GARNL3: variants seen among roughly 807,000 people sequenced by gnomAD.
GARNL3 encodes GTPase-activating Rap/Ran-GAP domain-like protein 3.
GARNL3 carries 63 observed loss-of-function variants against 125.0 expected under a neutral mutation model. The observed-to-expected ratio is 0.50, with a 90% CI of 0.41 to 0.62. The LOEUF is 0.62. Among genes scored for constraint, GARNL3 ranks in the 20% least tolerant of loss-of-function variants. The probability of loss-of-function intolerance (pLI) is 0.00; values close to 1 mark genes in which losing one functional copy is unlikely to be tolerated. For missense variants in GARNL3, 994 were observed against 1,244.0 expected, an observed-to-expected ratio of 0.80 and a Z score of 3.02; for synonymous variants, 439 against 457.5, an observed-to-expected ratio of 0.96 and a Z score of 0.52.
At chr9:127,349,937 C>T (rs891231868) in intron 17 of GARNL3, among the ~76,000 whole-genome samples, 1 of 152,182 alleles carries the variant, frequency 6.6e-6, no homozygotes, top group African/African-American at 2.4e-5. Flanking sequence ...TCTTCCCATC[C>T]TTCAGTACAA....
chr9:127,354,762 G>A (rs997870242), intron 19 of GARNL3, among the ~76,000 whole-genome samples: 11 of 152,132 alleles, frequency 7.2e-5, no homozygotes, highest in African/African-American at 9.7e-5. Flanking sequence ...TAGAATATAG[G>A]AAGTAGGACT....
chr9:127,321,862 T>C (rs1252536987), intron 6 of GARNL3, among the ~76,000 whole-genome samples: 1 of 152,180 alleles, frequency 6.6e-6, no homozygotes, highest in Non-Finnish European at 1.5e-5. Flanking sequence ...CAAATTTGCT[T>C]TTAGGTAAAT....
intron 17 of GARNL3, among the ~76,000 whole-genome samples, chr9:127,350,635 A>AAG (rs1830375783): frequency 6.6e-6 from 1 of 151,876 alleles, no homozygotes; most frequent in East Asian, 1.9e-4. Context: ...AATTAGCCGG[A>AAG]TGTGGTGGCG....
intron 2 of GARNL3, among the ~76,000 whole-genome samples, chr9:127,247,625 T>A (rs2063326359): frequency 6.6e-6 from 1 of 152,196 alleles, no homozygotes; most frequent in Admixed American, 6.5e-5. Context: ...ACCTTTTTTT[T>A]ATTATTTGTT....
In GARNL3 at chr9:127,243,120, C is replaced by T. The variant is rs535958821; in HGVS notation, c.14C>T (p.Thr5Met). ...CCAGGCCCACTGATGGACCCGTTAA[C>T]GAAGGTGCCTTGTGGGAGTCAGATA... The change falls in exon 2 of 11, where the codon ACG becomes ATG. Residue 5 changes from threonine (T) to methionine (M), a missense_variant. By Grantham distance (81) the Thr-to-Met change is moderately conservative. Transcript: ENST00000439286. The T allele has an allele frequency of 1.6e-5, 22 of 1,364,664 alleles. No homozygotes were observed. The East Asian group carries it at 2.7e-4, about 17-fold the overall frequency. The allele number at this position is 1,364,664 out of a possible 1,614,324, so 84.5% of individuals were successfully genotyped here. A position where few individuals can be genotyped will look rare whatever the true frequency, so the allele number is the denominator to read the frequency against.
chr9:127,225,074 G>A lies in GARNL3; in HGVS notation c.-29+736G>A, dbSNP rs2062878660. 2.2e-5 allele frequency among the ~76,000 whole-genome samples: 3 copies of A among 139,012 alleles called. No individual in the cohort carries two copies. In the South Asian group the frequency reaches 6.8e-4, roughly 31 times the overall value. The allele number at this position is 139,012 out of a possible 152,430, so 91.2% of individuals were successfully genotyped here. A position where few individuals can be genotyped will look rare whatever the true frequency, so the allele number is the denominator to read the frequency against. On this transcript the variant is annotated intron_variant, in intron 1 of 10. Coordinates refer to the GARNL3 transcript ENST00000439286. Reference sequence around the variant, plus strand: ...CCAGGGTGAGTGATCGCGGGGCGGGGCTTGGGCCCAGCGGAGGGTCTGGGC... The same window carrying A: ...CCAGGGTGAGTGATCGCGGGGCGGGACTTGGGCCCAGCGGAGGGTCTGGGC...
intron 4 of GARNL3, 84 bp downstream of exon 4, chr9:127,313,643 T>C (rs1360560463): frequency 3.2e-6 from 3 of 925,752 alleles, no homozygotes; most frequent in Non-Finnish European, 5.4e-6. Flanking sequence ...GTGTGCCAGT[T>C]TCTTCCAGGG....
At chr9:127,346,168 A>G (rs1466542292) in intron 16 of GARNL3, among the ~76,000 whole-genome samples, 2 of 152,218 alleles carry the variant, frequency 1.3e-5, no homozygotes, top group South Asian at 2.1e-4. Context: ...AAAACAGACA[A>G]AAATACACAA....
chr9:127,244,448 C>T (rs1023318536), intron 2 of GARNL3, among the ~76,000 whole-genome samples: 1 of 152,086 alleles, frequency 6.6e-6, no homozygotes, highest in Non-Finnish European at 1.5e-5. Context: ...CCGGGTTGCA[C>T]GTGAAAATTA....
At chr9:127,375,326 C>G (rs748945676) in intron 22 of GARNL3, among the ~76,000 whole-genome samples, 7 of 151,950 alleles carry the variant, frequency 4.6e-5, no homozygotes, top group Non-Finnish European at 1.0e-4. Context: ...ATTAGCCAGG[C>G]GCGGTGGCAG....
intron 22 of GARNL3, among the ~76,000 whole-genome samples, chr9:127,370,346 A>C (rs1277278026): frequency 6.6e-6 from 1 of 152,196 alleles, no homozygotes; most frequent in African/African-American, 2.4e-5. Context: ...TTAAAAAAAG[A>C]ACTGTTAAAC....
At chr9:127,338,542 T>C (rs1829678502) in intron 12 of GARNL3, among the ~76,000 whole-genome samples, 1 of 152,220 alleles carries the variant, frequency 6.6e-6, no homozygotes, top group Non-Finnish European at 1.5e-5. Context: ...TAGATTTGAG[T>C]TCGAATCCCA....
chr9:127,229,284 G>A (rs986436524), intron 1 of GARNL3, among the ~76,000 whole-genome samples: 58 of 152,072 alleles, frequency 3.8e-4, no homozygotes, highest in African/African-American at 1.3e-3. Flanking sequence ...CCTGTGGACC[G>A]TCTTAGCCAT....
chr9:127,366,933 A>T (rs1438889324), intron 22 of GARNL3: 2 of 148,246 alleles, frequency 1.3e-5, no homozygotes, highest in South Asian at 2.4e-4. Flanking sequence ...TCAGGATGGG[A>T]TCGGTGTGTG....
At chr9:127,294,307 A>G (rs995109749) in intron 2 of GARNL3, among the ~76,000 whole-genome samples, 1 of 151,234 alleles carries the variant, frequency 6.6e-6, no homozygotes, top group Non-Finnish European at 1.5e-5. Context: ...CTTTTTTCCC[A>G]CCCCTCCCCC....
chr9:127,277,491 T>TACAG (rs373333581), intron 1 of GARNL3, among the ~76,000 whole-genome samples: 35 of 151,648 alleles, frequency 2.3e-4, no homozygotes, highest in African/African-American at 8.2e-4. Flanking sequence ...TTCCCTAATG[T>TACAG]ACAGCTCTGG....
chr9:127,389,600 G>A (rs951475870), intron 26 of GARNL3, among the ~76,000 whole-genome samples: 1 of 152,156 alleles, frequency 6.6e-6, no homozygotes, highest in Admixed American at 6.5e-5. Context: ...GGATAGAACA[G>A]ATGCAAGATA....
chr9:127,377,610 G>T (rs1465088520), intron 22 of GARNL3, among the ~76,000 whole-genome samples: 2 of 149,606 alleles, frequency 1.3e-5, no homozygotes, highest in African/African-American at 4.9e-5. Flanking sequence ...AACATGGTGA[G>T]ACCCTATCTC....
At chr9:127,284,261 A>G (rs562010348) in intron 1 of GARNL3, among the ~76,000 whole-genome samples, 7 of 152,282 alleles carry the variant, frequency 4.6e-5, no homozygotes, top group African/African-American at 1.4e-4. Context: ...TTTCCTAGAA[A>G]ATTTGCCATT....
Sources: gnomAD v4.1 joint callset for allele counts (sites outside exome capture counted in the v4.1 genomes callset) on GRCh38, gnomAD v4.1.1 for gene constraint, MANE v1.5 for transcripts, NCBI Gene and HGNC (gene_info 2026-07-23, HGNC 2026-07-21) for gene names.